The following GNA13 variants were observed in gnomAD, a reference collection of about 807,000 sequenced individuals.
The protein encoded by GNA13 is G protein subunit alpha 13.
A neutral mutation model predicts 33.5 loss-of-function variants in GNA13; 4 were observed. The ratio of observed to expected loss-of-function variants is 0.12; its 90% CI spans 0.06 to 0.27. GNA13 has a LOEUF of 0.27. Ranked by LOEUF, GNA13 falls within the 10% of genes least tolerant of loss-of-function variation. The pLI, the probability that GNA13 is intolerant of heterozygous loss-of-function variation, is 1.00. For missense variants in GNA13, 319 were observed against 487.2 expected (o/e 0.65, Z 3.25); for synonymous variants, 176 against 183.8 (o/e 0.96, Z 0.34).
At chr17:65,016,323 T>C (rs1240034151) in intron 3 of GNA13, among the ~76,000 whole-genome samples, 1 of 152,230 alleles carries the variant, frequency 6.6e-6, no homozygotes, top group Non-Finnish European at 1.5e-5. Context: ...ACAAGAATAC[T>C]CATTGTCTCA....
chr17:65,017,098 A>AG (rs1407767762), intron 3 of GNA13, among the ~76,000 whole-genome samples: 2 of 152,206 alleles, frequency 1.3e-5, no homozygotes, highest in Non-Finnish European at 2.9e-5. Flanking sequence ...ATGACGTTAA[A>AG]GGTTACAAAC....
At chr17:65,043,174 T>G (rs1289372937) in intron 2 of GNA13, among the ~76,000 whole-genome samples, 1 of 152,190 alleles carries the variant, frequency 6.6e-6, no homozygotes, top group African/African-American at 2.4e-5. Flanking sequence ...GCTGCCTTAC[T>G]CCACTTTATC....
At chr17:65,028,685 A>G (rs1022006626) in intron 2 of GNA13, among the ~76,000 whole-genome samples, 1 of 152,166 alleles carries the variant, frequency 6.6e-6, no homozygotes, top group African/African-American at 2.4e-5. Context: ...TGATAGCGCC[A>G]CAACCTTAAG....
intron 2 of GNA13, 107 bp from the exon 3 acceptor site, chr17:65,018,410 T>C (rs547855439): frequency 4.3e-6 from 3 of 690,512 alleles, no homozygotes; most frequent in African/African-American, 1.8e-5. Flanking sequence ...CAAACAGACT[T>C]TGTTTAGTCA....
At chr17:65,021,708 T>C (rs1289034284) in intron 2 of GNA13, among the ~76,000 whole-genome samples, 2 of 152,260 alleles carry the variant, frequency 1.3e-5, no homozygotes, top group Admixed American at 6.5e-5. Context: ...AGTGGCTTTA[T>C]GTCAATAAGA....
intron 2 of GNA13, among the ~76,000 whole-genome samples, chr17:65,037,146 C>T (rs1315721799): frequency 6.6e-6 from 1 of 152,170 alleles, no homozygotes; most frequent in Admixed American, 6.5e-5. Flanking sequence ...TCTGTATTTG[C>T]CTGACCCAGC....
chr17:65,026,030 A>T (rs905458809), intron 2 of GNA13, among the ~76,000 whole-genome samples: 1 of 152,152 alleles, frequency 6.6e-6, no homozygotes, highest in East Asian at 1.9e-4. Context: ...AACAAAAAAA[A>T]TTATAAGTAA....
intron 1 of GNA13, 23 bp downstream of exon 1, chr17:65,056,260 CGCCCCAGCCCCCCTGCCCTTAACCCCCG>C: frequency 8.4e-7 from 1 of 1,196,332 alleles, no homozygotes; most frequent in Non-Finnish European, 1.2e-6. Flanking sequence ...CACCCGCCGC[CGCCCCAGCCCCCCTGCCCTTAACCCCCG>C]GCCCCCATTC....
In GNA13 at chr17:65,053,511, T is replaced by C. The variant is rs779869198; in HGVS notation, c.501A>G (p.Glu167=). Residue 167 remains glutamate (E), a synonymous_variant, in exon 2 of 4, where the codon GAA becomes GAG. Transcript: ENST00000439174. ...GIQNAYDRRR[E]FQLGESVKYF... ...AGAGCAAATCTCTTACCAGTTGAAA[T>C]TCTCGACGCCGGTCATAGGCATTCT... The C allele has an allele frequency of 6.3e-7, 1 of 1,594,792 alleles. No homozygotes were observed. Among genetic ancestry groups the C allele is most frequent in the East Asian group, 2.2e-5 (1 of 44,800 alleles).
chr17:65,015,052 C>A (rs557048533), intron 3 of GNA13, among the ~76,000 whole-genome samples: 3 of 151,424 alleles, frequency 2.0e-5, no homozygotes, highest in African/African-American at 7.3e-5. Context: ...GGATCGCTTG[C>A]GAAGCCAGGA....
chr17:65,036,791 A>G (rs1907266889), intron 2 of GNA13, among the ~76,000 whole-genome samples: 2 of 152,238 alleles, frequency 1.3e-5, no homozygotes, highest in Non-Finnish European at 2.9e-5. Flanking sequence ...TGCTTTACTT[A>G]CAAAATGACC....
intron 2 of GNA13, among the ~76,000 whole-genome samples, chr17:65,038,615 G>C (rs550170035): frequency 2.0e-5 from 3 of 152,206 alleles, no homozygotes; most frequent in Admixed American, 6.5e-5. Context: ...TTGCGGGGGG[G>C]CGTTTCTCAC....
intron 2 of GNA13, among the ~76,000 whole-genome samples, chr17:65,028,812 G>A (rs1598486198): frequency 6.6e-6 from 1 of 151,992 alleles, no homozygotes; most frequent in East Asian, 1.9e-4. Flanking sequence ...CCAATCTGCA[G>A]CCTCCACTTC....
At chr17:65,056,244 G>GCCCCCCCCCCCCCCCCCCCCCCCCC in intron 1 of GNA13, 67 bp downstream of exon 1, 8 of 1,032,474 alleles carry the variant, frequency 7.7e-6, no homozygotes, top group East Asian at 6.2e-5. Context: ...GCGGTGCCCC[G>GCCCCCCCCCCCCCCCCCCCCCCCCC]CCCCGCACCC....
At chr17:65,029,787 T>G (rs544794195) in intron 2 of GNA13, among the ~76,000 whole-genome samples, 22 of 152,280 alleles carry the variant, frequency 1.4e-4, no homozygotes, top group African/African-American at 5.1e-4. Flanking sequence ...TATTATAACT[T>G]CCCCTTTATG....
chr17:65,030,474 T>C (rs1444464820), intron 2 of GNA13, among the ~76,000 whole-genome samples: 1 of 152,214 alleles, frequency 6.6e-6, no homozygotes, highest in Non-Finnish European at 1.5e-5. Context: ...GGTAATAATA[T>C]GCATCACACA....
chr17:65,031,896 A>AG (rs1907040820), intron 2 of GNA13, among the ~76,000 whole-genome samples: 26 of 71,408 alleles, frequency 3.6e-4, no homozygotes, highest in South Asian at 1.5e-3. Flanking sequence ...GAGAGAGAGA[A>AG]AGAGAGAGAG....
rs924046186 is a variant in GNA13 at position 65,011,990 on chromosome 17, T to C, written c.*2267A>G. 4.4e-6 allele frequency: 1 copy of C among 227,820 alleles called. No individual in the cohort carries two copies. The highest frequency in any genetic ancestry group is 8.7e-6 in the Non-Finnish European group (1 of 114,618). 14.1% of individuals were successfully genotyped at this position (227,820 alleles called of 1,614,324 possible). On this transcript the variant is annotated 3_prime_UTR_variant, in exon 4 of 4. Transcript: ENST00000439174. ...TACTGAATGTCAAAACAAGCCTAAG[T>C]TGAATATAAGTAATTCATTGCCTCA...
At chr17:65,033,876 G>A (rs767448858) in intron 2 of GNA13, among the ~76,000 whole-genome samples, 12 of 151,824 alleles carry the variant, frequency 7.9e-5, no homozygotes, top group Non-Finnish European at 1.5e-4. Flanking sequence ...AGCTGGGTGT[G>A]GTAGTGGGCG....
Sources: allele counts gnomAD v4.1 joint callset (sites outside exome capture counted in the v4.1 genomes callset), GRCh38; gene constraint gnomAD v4.1.1; transcripts MANE v1.5; gene names NCBI Gene and HGNC (gene_info 2026-07-23, HGNC 2026-07-21).